ATP4A: variants seen among roughly 807,000 people sequenced by gnomAD.
ATP4A encodes the protein potassium-transporting ATPase alpha chain 1.
Under a neutral mutation model 112.1 loss-of-function variants are expected in ATP4A, and 73 were observed. The observed-to-expected ratio is 0.65, with a 90% CI of 0.54 to 0.79. The LOEUF is 0.79. ATP4A is among the 30% of genes least tolerant of loss of function. The pLI, the probability that ATP4A is intolerant of heterozygous loss-of-function variation, is 0.00. For missense variants in ATP4A, 1,081 were observed against 1,425.9 expected (o/e 0.76, Z 3.90); for synonymous variants, 588 against 588.9 (o/e 1.00, Z 0.02).
rs142870685 is a variant in ATP4A, at chr19:35,550,245, G to A, written c.*370C>T. On this transcript the variant is annotated 3_prime_UTR_variant, in exon 22 of 22. Coordinates refer to ENST00000262623, the MANE Select transcript of ATP4A (RefSeq NM_000704.3). The surrounding 1 kb of genome is among the most constrained non-coding windows in gnomAD (Gnocchi z 4.1). Reference sequence around the variant, plus strand: ...TATTACCATCGCCCAGGACACAAGCGTGTCTTTAACGAAGGGCCCTCAGGC... The same window carrying A: ...TATTACCATCGCCCAGGACACAAGCATGTCTTTAACGAAGGGCCCTCAGGC... The A allele has an allele frequency of 3.3e-4, 100 of 302,058 alleles. No homozygotes were observed. The Middle Eastern group carries it at 4.5e-3, about 13-fold the overall frequency. The allele number at this position is 302,058 out of a possible 1,614,324, so 18.7% of individuals were successfully genotyped here. A position where few individuals can be genotyped will look rare whatever the true frequency, so the allele number is the denominator to read the frequency against.
In ATP4A at chr19:35,560,593, C is replaced by T; in HGVS notation, c.557G>A (p.Gly186Glu). The stretch of plus-strand genomic sequence containing the variant: ...GTCAGCGTTGATCTGGAATTTGTCT[C>T]CATCGCGGATGACAGTGGCTTGCTG... ...VPQQATVIRD[G>E]DKFQINADQL... The change falls in exon 6 of 22, where the codon GGA (glycine) becomes GAA (glutamate). Residue 186 changes from glycine (G) to glutamate (E), a missense_variant. This residue lies in a region of ATP4A where 850 missense variants were observed against 1,068.2 expected (regional missense o/e 0.80). Transcript: ENST00000262623. This position sits in a 1 kb window ranked among gnomAD's most constrained non-coding sequence, Gnocchi z 5.1. The T allele has an allele frequency of 6.2e-7, 1 of 1,612,500 alleles. No homozygotes were observed. The highest frequency in any genetic ancestry group is 8.5e-7 in the Non-Finnish European group (1 of 1,179,338).
chr19:35,562,878 G>T (rs2071679957), intron 3 of ATP4A, among the ~76,000 whole-genome samples: 1 of 142,718 alleles, frequency 7.0e-6, no homozygotes, highest in East Asian at 2.1e-4. Flanking sequence ...CTCCTTATTT[G>T]TCTCTGCCTT....
chr19:35,553,134 G>A lies in ATP4A; in HGVS notation c.2654C>T (p.Ala885Val), dbSNP rs1429817599. Reference sequence around the variant, plus strand: ...CAGCAGTGGGAACCAGCCCTCCTGGGCCATTGCCGTGAAGTAGTCAGTGAA... The same window carrying A: ...CAGCAGTGGGAACCAGCCCTCCTGGACCATTGCCGTGAAGTAGTCAGTGAA... ...AGFTDYFTAM[A>V]QEGWFPLLCV... Residue 885 changes from alanine to valine, a missense_variant, in exon 18 of 22, where the codon GCC becomes GTC. By Grantham distance (64) the Ala-to-Val change is moderately conservative. Around this residue, in one of 3 missense-constraint regions of ATP4A, gnomAD observed 219 missense variants for 320.9 expected, o/e 0.68. Transcript: ENST00000262623. 3 of 1,609,704 alleles carry A rather than the reference G, an allele frequency of 1.9e-6. No individual in the cohort carries two copies. The highest frequency in any genetic ancestry group is 2.6e-6 in the Non-Finnish European group (3 of 1,176,396).
Position 35,551,483 on chromosome 19 carries a change from G to A in ATP4A, c.2849C>T (p.Thr950Met), listed in dbSNP as rs1321614500. Residue 950 changes from threonine (T) to methionine (M), a missense_variant, in exon 19 of 22, where the codon ACG (threonine) becomes ATG (methionine). This residue lies in a region of ATP4A where 219 missense variants were observed against 320.9 expected (regional missense o/e 0.68). Transcript: ENST00000262623. The surrounding 1 kb of genome is among the most constrained non-coding windows in gnomAD (Gnocchi z 5.2). Reference sequence around the variant, plus strand: ...TTGCTGGAAGGCAGAGAGACGGCGCGTCTTGCGGATGAGGACATCGGCGAT... The same window carrying A: ...TTGCTGGAAGGCAGAGAGACGGCGCATCTTGCGGATGAGGACATCGGCGAT... ...CQIADVLIRK[T>M]RRLSAFQQGF... The A allele has an allele frequency of 1.9e-6, 3 of 1,614,044 alleles. No homozygotes were observed. Among genetic ancestry groups the A allele is most frequent in the East Asian group, 2.2e-5 (1 of 44,900 alleles).
Position 35,556,912 on chromosome 19 carries a change from C to A in ATP4A, c.1869+1G>T. The A allele has an allele frequency of 6.2e-7, 1 of 1,613,466 alleles. No individual in the cohort carries two copies. The highest frequency in any genetic ancestry group is 8.5e-7 in the Non-Finnish European group (1 of 1,179,490). ...ACTTGTTCCTCCCCACAGTGGCATA[C>A]CCGGATGCCTGCGGTGCGACACTTG... On this transcript the variant is annotated splice_donor_variant, in intron 12 of 21. Coordinates refer to ENST00000262623, the MANE Select transcript of ATP4A (RefSeq NM_000704.3). LOFTEE classifies it high-confidence loss of function.
At chr19:35,561,068 C>T in intron 4 of ATP4A, 136 bp from the exon 5 acceptor site, 1 of 689,324 alleles carries the variant, frequency 1.5e-6, no homozygotes, top group Admixed American at 2.3e-5. Flanking sequence ...GCTCCATGCA[C>T]CATTCCCTGT....
rs2071596307 is a variant in ATP4A, at chr19:35,550,696, G to A, written c.3080-53C>T. 6.2e-7 allele frequency: 1 copy of A among 1,612,364 alleles called. No homozygotes were observed. Among genetic ancestry groups the A allele is most frequent in the Non-Finnish European group, 8.5e-7 (1 of 1,178,668 alleles). On this transcript the variant is annotated intron_variant, in intron 21 of 21. Coordinates refer to ENST00000262623, the MANE Select transcript of ATP4A (RefSeq NM_000704.3). The surrounding 1 kb of genome is among the most constrained non-coding windows in gnomAD (Gnocchi z 4.1). ...CAGTGCTGGGGGTGCCACTTAGGCA[G>A]GGCCAGGGGCTCAGAGGTCAGTGCT...
intron 3 of ATP4A, 137 bp downstream of exon 3, chr19:35,563,072 C>G: frequency 1.0e-6 from 1 of 978,794 alleles, no homozygotes; most frequent in Admixed American, 2.1e-5. Flanking sequence ...TTCTGCCTCC[C>G]TCCCTCTCTC....
Position 35,557,865 on chromosome 19 carries a change from A to G in ATP4A, c.1501-18T>C. 1.1e-5 allele frequency: 12 copies of G among 1,084,534 alleles called. No homozygotes were observed. The highest frequency in any genetic ancestry group is 5.9e-5 in the Admixed American group (1 of 16,902). 67.2% of individuals were successfully genotyped at this position (1,084,534 alleles called of 1,614,324 possible). A position where few individuals can be genotyped will look rare whatever the true frequency, so the allele number is the denominator to read the frequency against. On this transcript the variant is annotated intron_variant, in intron 10 of 21. Transcript: ENST00000262623. This position sits in a 1 kb window ranked among gnomAD's most constrained non-coding sequence, Gnocchi z 4.4. Reference sequence around the variant, plus strand: ...ATGGACAGCTGTGGGCGGGGGGGAGAGGCGAGGCTGTGGACGGGGGAACGG... The same window carrying G: ...ATGGACAGCTGTGGGCGGGGGGGAGGGGCGAGGCTGTGGACGGGGGAACGG...
intron 3 of ATP4A, 84 bp downstream of exon 3, chr19:35,563,125 C>T: frequency 6.7e-7 from 1 of 1,490,888 alleles, no homozygotes; most frequent in Non-Finnish European, 9.2e-7. Flanking sequence ...CCTCTCTCTC[C>T]CTCTCTCCAT....
chr19:35,550,821 T>C lies in ATP4A; in HGVS notation c.3079+13A>G. ...CAGTCCCCTGCCCCCAGGCTCCCAG[T>C]CTCCACACTCACTCCCTGGGCAACA... On this transcript the variant is annotated intron_variant, in intron 21 of 21. Transcript: ENST00000262623. This position sits in a 1 kb window ranked among gnomAD's most constrained non-coding sequence, Gnocchi z 4.1. The C allele has an allele frequency of 6.2e-7, 1 of 1,613,832 alleles. No homozygotes were observed. The highest frequency in any genetic ancestry group is 8.5e-7 in the Non-Finnish European group (1 of 1,179,826).
In ATP4A at chr19:35,556,933, A is replaced by G; in HGVS notation, c.1849T>C (p.Cys617Arg). The G allele has an allele frequency of 6.2e-7, 1 of 1,614,070 alleles. No individual in the cohort carries two copies. The highest frequency in any genetic ancestry group is 8.5e-7 in the Non-Finnish European group (1 of 1,179,960). Residue 617 changes from cysteine to arginine, a missense_variant, in exon 12 of 22, where the codon TGT becomes CGT. Cys to Arg is a radical substitution (Grantham distance 180). Coordinates refer to ENST00000262623, the MANE Select transcript of ATP4A (RefSeq NM_000704.3). ...CATACCCGGATGCCTGCGGTGCGAC[A>G]CTTGAGCACAGCATCAGGGACGGTG... ...RATVPDAVLK[C>R]RTAGIRVIMV... is the part of the protein sequence containing the mutation.
rs1213635990 is a variant in ATP4A, at chr19:35,553,290, A to G, written c.2606-108T>C. The G allele has an allele frequency of 4.6e-6, 6 of 1,314,290 alleles. No homozygotes were observed. The Admixed American group carries it at 1.5e-4, about 32-fold the overall frequency. 81.4% of individuals were successfully genotyped at this position (1,314,290 alleles called of 1,614,324 possible). On this transcript the variant is annotated intron_variant, in intron 17 of 21. Coordinates refer to ENST00000262623, the MANE Select transcript of ATP4A (RefSeq NM_000704.3). ...GGACACAGATACACAAAGGTCAAGG[A>G]CACACAGACAGGGACACGGGAAGAG...
At position 35,563,440 on chromosome 19, in the gene ATP4A, C is replaced by T. The variant is rs1302102804; in HGVS notation, c.100G>A (p.Gly34Ser). ...TTCTCCTTCCTCTTGCCACCCCCGC[C>T]ACCCGCCTTCTTCTTCTTGCTCATC... ...AKMSKKKKAG[G>S]GGGKRKEKLE... Residue 34 changes from glycine (G) to serine (S), a missense_variant, in exon 2 of 22, where the codon GGC becomes AGC. By Grantham distance (56) the Gly-to-Ser change is moderately conservative. Transcript: ENST00000262623. 1 of 1,614,048 alleles carries T rather than the reference C, an allele frequency of 6.2e-7. No individual in the cohort carries two copies. Among genetic ancestry groups the T allele is most frequent in the Non-Finnish European group, 8.5e-7 (1 of 1,180,004 alleles).
At position 35,559,963 on chromosome 19, in the gene ATP4A, C is replaced by T. The variant is rs140861099; in HGVS notation, c.898G>A (p.Glu300Lys). 5.4e-5 allele frequency: 87 copies of T among 1,614,142 alleles called. No homozygotes were observed. The highest frequency in any genetic ancestry group is 6.5e-5 in the Non-Finnish European group (77 of 1,180,052). Residue 300 changes from glutamate to lysine, a missense_variant, in exon 7 of 22, where the codon GAG (glutamate) becomes AAG (lysine). Glu to Lys is a moderately conservative substitution (Grantham distance 56). This residue lies in a region of ATP4A where 850 missense variants were observed against 1,068.2 expected (regional missense o/e 0.80). Transcript: ENST00000262623. This position sits in a 1 kb window ranked among gnomAD's most constrained non-coding sequence, Gnocchi z 4.1. ...CCCGCGATGATGTCCACAAAATGCT[C>T]GATCTCGATAGCGATGGGTGTCTTC... ...NEKTPIAIEI[E>K]HFVDIIAGLA... is the part of the protein sequence containing the mutation.
intron 3 of ATP4A, 149 bp downstream of exon 3, chr19:35,563,060 T>C: frequency 1.8e-6 from 1 of 557,918 alleles, no homozygotes; most frequent in South Asian, 1.8e-5. Flanking sequence ...CCCTCTTTCC[T>C]TTTCTGCCTC....
rs370445794 is a variant in ATP4A at position 35,552,409 on chromosome 19, A to G, written c.2751+628T>C. On this transcript the variant is annotated intron_variant, in intron 18 of 21. Transcript: ENST00000262623. ...GAGCCTGAGAATTTGCACTGCAAAC[A>G]TGTTCCCAGGAGATGGTGATGCTGC... Among the ~76,000 whole-genome samples, 16 of 152,354 alleles carry G rather than the reference A, an allele frequency of 1.1e-4. 1 individual carries two copies. The highest frequency in any genetic ancestry group is 7.2e-4 in the Admixed American group (11 of 15,304).
rs3746283 is a variant in ATP4A, at chr19:35,560,970, C to T, written c.421-38G>A. On this transcript the variant is annotated intron_variant, in intron 4 of 21. Coordinates refer to ENST00000262623, the MANE Select transcript of ATP4A (RefSeq NM_000704.3). This position sits in a 1 kb window ranked among gnomAD's most constrained non-coding sequence, Gnocchi z 5.1. ...AAGGGGTGGGGTTATTCAGAGGGGC[C>T]GGAAGCTGCCTGCCTGAGGCCACCG... is the stretch of plus-strand genomic sequence containing the variant. 0.037 allele frequency: 59,100 copies of T among 1,581,798 alleles called. 1,994 individuals carry two copies. The highest frequency in any genetic ancestry group is 0.15 in the African/African-American group (11,201 of 74,034).
chr19:35,562,338 C>G (rs2071675664), intron 4 of ATP4A, 97 bp downstream of exon 4: 6 of 1,403,004 alleles, frequency 4.3e-6, no homozygotes, highest in Middle Eastern at 3.7e-4. Context: ...TTCGTCTATC[C>G]CCATCCTTCT....
Sources: allele counts gnomAD v4.1 joint callset (sites outside exome capture counted in the v4.1 genomes callset), GRCh38; gene constraint gnomAD v4.1.1; regional missense constraint gnomAD v4.1.1; non-coding constraint Gnocchi (gnomAD v3.1); transcripts MANE v1.5; gene names NCBI Gene and HGNC (gene_info 2026-07-23, HGNC 2026-07-21).